Variants in UBXN7 observed in about 807,000 individuals in gnomAD.
UBXN7 encodes the protein UBX domain-containing protein 7.
A neutral mutation model predicts 58.0 loss-of-function variants in UBXN7; 9 were observed. The ratio of observed to expected loss-of-function variants is 0.16; its 90% CI spans 0.09 to 0.27. The LOEUF is 0.27. Among genes scored for constraint, UBXN7 ranks in the 10% least tolerant of loss-of-function variants. The pLI is 1.00. For missense variants in UBXN7, 328 were observed against 599.6 expected, an observed-to-expected ratio of 0.55 and a Z score of 4.73; for synonymous variants, 208 against 205.0, an observed-to-expected ratio of 1.01 and a Z score of -0.12.
intron 1 of UBXN7, among the ~76,000 whole-genome samples, chr3:196,418,822 T>TG (rs1469543125): frequency 1.3e-5 from 2 of 152,180 alleles, no homozygotes; most frequent in Non-Finnish European, 2.9e-5. Context: ...TGTAATATTT[T>TG]GGGGCACATG....
rs11927162 is a variant in UBXN7, at chr3:196,374,550, T to A, written c.469-2508A>T. On this transcript the variant is annotated intron_variant, in intron 5 of 10. Transcript: ENST00000296328. ...TAAAAGGAAGGGTGCAAAGACACAA[T>A]TTTCAAACAAAACAACAATATTGGG... Among the ~76,000 whole-genome samples the A allele has an allele frequency of 8.0e-3, 1,209 of 151,814 alleles. 12 individuals carry two copies. Among genetic ancestry groups the A allele is most frequent in the African/African-American group, 0.028 (1,156 of 41,386 alleles).
intron 1 of UBXN7, among the ~76,000 whole-genome samples, chr3:196,412,230 CAAAAAAAAA>C (rs55746914): frequency 5.6e-5 from 5 of 89,126 alleles, no homozygotes; most frequent in Non-Finnish European, 1.0e-4. Context: ...GACTTTGTCT[CAAAAAAAAA>C]AAAAAAAAAA....
chr3:196,401,318 CACATAT>C (rs774669559), intron 3 of UBXN7, among the ~76,000 whole-genome samples: 7 of 96,174 alleles, frequency 7.3e-5, no homozygotes, highest in East Asian at 4.9e-4. Context: ...CACACACACA[CACATAT>C]ATATATATAC....
chr3:196,371,760 G>A, intron 6 of UBXN7, 136 bp downstream of exon 6: 2 of 1,096,386 alleles, frequency 1.8e-6, no homozygotes, highest in Non-Finnish European at 1.2e-6. Context: ...TGGGATTATA[G>A]GCGTGAGCTA....
In UBXN7 at chr3:196,353,755, G is replaced by A. The variant is rs1204510666; in HGVS notation, c.*2930C>T. Reference sequence around the variant, plus strand: ...GCCCACCTCCGCCTCCCAAAGTGTTGGGATTACAGGCATGAGCCACCGCGC... The same window carrying A: ...GCCCACCTCCGCCTCCCAAAGTGTTAGGATTACAGGCATGAGCCACCGCGC... On this transcript the variant is annotated 3_prime_UTR_variant, in exon 11 of 11. Transcript: ENST00000296328. The A allele has an allele frequency of 4.6e-5, 7 of 151,950 alleles. No homozygotes were observed. The highest frequency in any genetic ancestry group is 1.0e-4 in the Non-Finnish European group (7 of 68,014). The allele number at this position is 151,950 out of a possible 1,614,324, so 9.4% of individuals were successfully genotyped here. A position where few individuals can be genotyped will look rare whatever the true frequency, so the allele number is the denominator to read the frequency against.
rs188690142 is a variant in UBXN7 at position 196,392,660 on chromosome 3, G to A, written c.356-735C>T. ...TCTACTAAAAATACAAAACTTAGCCGGGTGTGGTGGCACAAGCCTGTAGTC... is the reference window on the plus strand; with the variant it reads ...TCTACTAAAAATACAAAACTTAGCCAGGTGTGGTGGCACAAGCCTGTAGTC... On this transcript the variant is annotated intron_variant, in intron 4 of 10. Coordinates refer to ENST00000296328, the MANE Select transcript of UBXN7 (RefSeq NM_015562.2). Among the ~76,000 whole-genome samples the A allele has an allele frequency of 5.6e-3, 858 of 151,954 alleles. 22 individuals are homozygous for A. In the South Asian group the frequency reaches 0.073, roughly 13 times the overall value.
chr3:196,421,208 T>C (rs1475655442), intron 1 of UBXN7, among the ~76,000 whole-genome samples: 3 of 152,296 alleles, frequency 2.0e-5, no homozygotes, highest in African/African-American at 4.8e-5. Context: ...ATTCATTAGT[T>C]CACAAAAGGA....
At chr3:196,366,572 A>G (rs775689580) in intron 8 of UBXN7, among the ~76,000 whole-genome samples, 1 of 151,870 alleles carries the variant, frequency 6.6e-6, no homozygotes, top group Non-Finnish European at 1.5e-5. Flanking sequence ...AAAAAATACA[A>G]TACAATACAA....
chr3:196,429,313 C>T (rs541492832), intron 1 of UBXN7, among the ~76,000 whole-genome samples: 52 of 149,632 alleles, frequency 3.5e-4, no homozygotes, highest in Admixed American at 4.7e-4. Context: ...GGTGACAGAG[C>T]GAGACTCCGT....
intron 1 of UBXN7, chr3:196,431,505 C>T (rs1427284067): frequency 6.3e-6 from 1 of 159,572 alleles, no homozygotes; most frequent in Admixed American, 6.5e-5. Flanking sequence ...CCTAGGGTTT[C>T]GGGGATACCG....
intron 1 of UBXN7, among the ~76,000 whole-genome samples, chr3:196,415,460 A>G (rs1376637732): frequency 6.8e-6 from 1 of 146,124 alleles, no homozygotes; most frequent in African/African-American, 2.5e-5. Context: ...CCATATTATC[A>G]TACTTCTTGA....
chr3:196,412,257 G>GAA (rs60503085), intron 1 of UBXN7, among the ~76,000 whole-genome samples: 1 of 142,020 alleles, frequency 7.0e-6, no homozygotes, highest in Non-Finnish European at 1.5e-5. Context: ...AAAGAAAAAA[G>GAA]AAAAAAGCAT....
chr3:196,396,516 A>G (rs1729778669), intron 3 of UBXN7, among the ~76,000 whole-genome samples: 1 of 152,176 alleles, frequency 6.6e-6, no homozygotes, highest in Non-Finnish European at 1.5e-5. Flanking sequence ...TAATCCCAGC[A>G]CTTTGGGAGA....
At chr3:196,403,609 AT>A (rs1454410351) in intron 2 of UBXN7, among the ~76,000 whole-genome samples, 1 of 152,162 alleles carries the variant, frequency 6.6e-6, no homozygotes, top group Non-Finnish European at 1.5e-5. Context: ...AAAGAAAAAA[AT>A]TTTCCCCCAA....
chr3:196,403,821 A>C (rs1730066268), intron 2 of UBXN7, among the ~76,000 whole-genome samples: 1 of 152,210 alleles, frequency 6.6e-6, no homozygotes, highest in African/African-American at 2.4e-5. Flanking sequence ...CAGAACAAAA[A>C]AAGTAATTAC....
intron 2 of UBXN7, among the ~76,000 whole-genome samples, chr3:196,406,699 C>T (rs550348046): frequency 6.6e-6 from 1 of 152,254 alleles, no homozygotes; most frequent in South Asian, 2.1e-4. Flanking sequence ...CCACCTCGGC[C>T]TCCCAAAGTG....
rs1441920356 is a variant in UBXN7, at chr3:196,351,799, T to C, written c.*4886A>G. 6.6e-6 allele frequency: 1 copy of C among 152,238 alleles called. No homozygotes were observed. The highest frequency in any genetic ancestry group is 1.5e-5 in the Non-Finnish European group (1 of 68,050). The allele number at this position is 152,238 out of a possible 1,614,324, so 9.4% of individuals were successfully genotyped here. A position where few individuals can be genotyped will look rare whatever the true frequency, so the allele number is the denominator to read the frequency against. ...ATATAACATATACTATACTATGCAT[T>C]GGATTTGTACCTGGGTAGAGAAATT... is the stretch of plus-strand genomic sequence containing the variant. On this transcript the variant is annotated 3_prime_UTR_variant, in exon 11 of 11. Coordinates refer to ENST00000296328, the MANE Select transcript of UBXN7 (RefSeq NM_015562.2).
intron 8 of UBXN7, among the ~76,000 whole-genome samples, chr3:196,366,731 CT>C (rs1728677740): frequency 6.6e-6 from 1 of 151,872 alleles, no homozygotes. Flanking sequence ...CTCTACAAAA[CT>C]TTAACAGCTT....
chr3:196,426,555 G>C (rs73088736), intron 1 of UBXN7, among the ~76,000 whole-genome samples: 1,556 of 151,824 alleles, frequency 0.01, 36 homozygotes, highest in African/African-American at 0.036. Context: ...CTGTACAAAA[G>C]CATATGAATG....
Sources: allele counts gnomAD v4.1 joint callset (sites outside exome capture counted in the v4.1 genomes callset), GRCh38; gene constraint gnomAD v4.1.1; transcripts MANE v1.5; gene names NCBI Gene and HGNC (gene_info 2026-07-23, HGNC 2026-07-21).